BLOC1S3: variants seen among roughly 807,000 people sequenced by gnomAD.
BLOC1S3 encodes the protein biogenesis of lysosome-related organelles complex 1 subunit 3.
BLOC1S3 carries 7 observed loss-of-function variants against 9.1 expected under a neutral mutation model. The ratio of observed to expected loss-of-function variants is 0.77; its 90% CI spans 0.44 to 1.45. The LOEUF (loss-of-function observed/expected upper bound fraction) is 1.45. Ranked by LOEUF, BLOC1S3 falls within the 40% of genes most tolerant of loss-of-function variation. The pLI, the probability that BLOC1S3 is intolerant of heterozygous loss-of-function variation, is 0.01. For synonymous variants in BLOC1S3, 145 were observed against 158.4 expected (o/e 0.92, Z 0.64); for missense variants, 307 against 315.2 (o/e 0.97, Z 0.20).
At chr19:45,214,732 T>C (rs566053435) in intron 3 of BLOC1S3, among the ~76,000 whole-genome samples, 9 of 151,950 alleles carry the variant, frequency 5.9e-5, no homozygotes, top group Admixed American at 1.3e-4. Context: ...CCCAAAGTGC[T>C]GGGATTACAA....
chr19:45,180,225 G>A lies in BLOC1S3; in HGVS notation c.*320G>A, dbSNP rs568334676. On this transcript the variant is annotated 3_prime_UTR_variant, in exon 2 of 2. Coordinates refer to ENST00000433642, the MANE Select transcript of BLOC1S3 (RefSeq NM_212550.5). ...GCTCCTTAATCTGTTTCCACCCTGG[G>A]GGCTCACCAATTTTTTTTTTTTTTT... 1.4e-4 allele frequency: 39 copies of A among 272,076 alleles called. No individual in the cohort carries two copies. The East Asian group carries it at 2.2e-3, about 16-fold the overall frequency. The allele number at this position is 272,076 out of a possible 1,614,324, so 16.9% of individuals were successfully genotyped here.
At chr19:45,206,454 T>TTTTTTTTTTTTTTTTTTTTTTTTTTG (rs1969727261) in intron 3 of BLOC1S3, among the ~76,000 whole-genome samples, 1 of 114,450 alleles carries the variant, frequency 8.7e-6, no homozygotes, top group African/African-American at 4.0e-5. Flanking sequence ...AATCAAGTTT[T>TTTTTTTTTTTTTTTTTTTTTTTTTTG]TTTTTTTTTT....
intron 2 of BLOC1S3, among the ~76,000 whole-genome samples, chr19:45,188,062 G>A (rs569186092): frequency 6.6e-5 from 10 of 151,964 alleles, no homozygotes; most frequent in South Asian, 2.1e-4. Flanking sequence ...TCACTCTGTC[G>A]CCCAGGCTGG....
intron 2 of BLOC1S3, among the ~76,000 whole-genome samples, chr19:45,193,245 G>A (rs1040059835): frequency 2.0e-5 from 3 of 151,096 alleles, no homozygotes; most frequent in African/African-American, 7.3e-5. Context: ...CCTGATTTTG[G>A]TTCTTATGAA....
rs536454128 is a variant in BLOC1S3, at chr19:45,203,330, A to G, written n.282+823A>G. Among the ~76,000 whole-genome samples, 169 of 152,142 alleles carry G rather than the reference A, an allele frequency of 1.1e-3. 1 individual carries two copies. Among genetic ancestry groups the G allele is most frequent in the African/African-American group, 3.2e-3 (134 of 41,530 alleles). ...TTGCTGTTGTCCGGGCTGGAGTGCA[A>G]TGACGTGCTCTCGGCTCACTGCAAT... On this transcript the variant is annotated intron_variant and non_coding_transcript_variant, in intron 3 of 3. Transcript: ENST00000591569.
At position 45,215,846 on chromosome 19, in the gene BLOC1S3, C is replaced by T. The variant is rs147905071; in HGVS notation, n.283-830C>T. ...CCCCCTGCCCTGGGCTTCCTGTGAC[C>T]GCCTGTTTGTTTGTGAGCCCTGGTG... On this transcript the variant is annotated intron_variant and non_coding_transcript_variant, in intron 3 of 3. Coordinates refer to the BLOC1S3 transcript ENST00000591569. 7.2e-5 allele frequency among the ~76,000 whole-genome samples: 11 copies of T among 152,292 alleles called. 1 individual carries two copies. Among genetic ancestry groups the T allele is most frequent in the Admixed American group, 3.3e-4 (5 of 15,284 alleles).
At chr19:45,182,471 C>A (rs564840255), downstream of BLOC1S3, among the ~76,000 whole-genome samples, 11 of 149,586 alleles carry the variant, frequency 7.4e-5, no homozygotes, top group African/African-American at 2.2e-4. Context: ...AGTTCTAGAC[C>A]AGCCTGGCCA....
chr19:45,179,397 CGGA>C lies in BLOC1S3; in HGVS notation c.112_114del (p.Glu38del), dbSNP rs749897521. On this transcript the variant is annotated inframe_deletion, in exon 2 of 2. Transcript: ENST00000433642. The surrounding 1 kb of genome is among the most constrained non-coding windows in gnomAD (Gnocchi z 4.6). ...GATTCCGAGCGCTCTGCGTCCTCGTCGGAGGAGGAGGAGCTGTACCTGGGTCCT... is the reference window on the plus strand; with the variant it reads ...GATTCCGAGCGCTCTGCGTCCTCGTCGGAGGAGGAGCTGTACCTGGGTCCT... The C allele has an allele frequency of 7.6e-6, 12 of 1,575,034 alleles. No homozygotes were observed. Among genetic ancestry groups the C allele is most frequent in the East Asian group, 2.3e-5 (1 of 42,976 alleles).
At chr19:45,200,054 C>T (rs1191168718) in intron 2 of BLOC1S3, among the ~76,000 whole-genome samples, 1 of 152,208 alleles carries the variant, frequency 6.6e-6, no homozygotes, top group Non-Finnish European at 1.5e-5. Context: ...GTATGAGCCA[C>T]TGTGCCCGGC....
intron 2 of BLOC1S3, among the ~76,000 whole-genome samples, chr19:45,193,159 A>AAAAG (rs1568473497): frequency 2.0e-5 from 3 of 146,574 alleles, no homozygotes; most frequent in South Asian, 4.3e-4. Context: ...AAAAAAAAAA[A>AAAAG]AGAGACTATT....
chr19:45,188,429 C>T (rs1280878021), intron 2 of BLOC1S3, among the ~76,000 whole-genome samples: 1 of 152,112 alleles, frequency 6.6e-6, no homozygotes, highest in Non-Finnish European at 1.5e-5. Flanking sequence ...CCATCTCAGC[C>T]TCCCAAAGTG....
At chr19:45,210,157 CAGAG>C (rs1969757323) in intron 3 of BLOC1S3, among the ~76,000 whole-genome samples, 1 of 152,028 alleles carries the variant, frequency 6.6e-6, no homozygotes, top group African/African-American at 2.4e-5. Context: ...TTAATAGAGA[CAGAG>C]AGATTAGTGT....
At position 45,179,687 on chromosome 19, in the gene BLOC1S3, G is replaced by A. The variant is rs1457535516; in HGVS notation, c.391G>A (p.Val131Ile). The change falls in exon 2 of 2, where the codon GTC (valine) becomes ATC (isoleucine). Residue 131 changes from valine (V) to isoleucine (I), a missense_variant. By Grantham distance (29) the Val-to-Ile change is conservative. Transcript: ENST00000433642. This position sits in a 1 kb window ranked among gnomAD's most constrained non-coding sequence, Gnocchi z 4.6. Reference protein sequence around the residue: ...DHDVAAAVSGVYRRAGRDVAA... With the variant: ...DHDVAAAVSGIYRRAGRDVAA... ...CGACGTGGCGGCCGCCGTGAGCGGTGTCTACCGCCGTGCAGGCCGCGACGT... is the reference window on the plus strand; with the variant it reads ...CGACGTGGCGGCCGCCGTGAGCGGTATCTACCGCCGTGCAGGCCGCGACGT... The A allele has an allele frequency of 1.4e-6, 2 of 1,465,678 alleles. No individual in the cohort carries two copies. The allele number at this position is 1,465,678 out of a possible 1,614,324, so 90.8% of individuals were successfully genotyped here.
At chr19:45,192,390 A>C (rs1275640754) in intron 2 of BLOC1S3, among the ~76,000 whole-genome samples, 1 of 152,082 alleles carries the variant, frequency 6.6e-6, no homozygotes, top group African/African-American at 2.4e-5. Flanking sequence ...AGGGACCCCC[A>C]AGAGCCAACT....
chr19:45,213,769 A>G (rs183965711), intron 3 of BLOC1S3, among the ~76,000 whole-genome samples: 1 of 151,378 alleles, frequency 6.6e-6, no homozygotes, highest in African/African-American at 2.4e-5. Flanking sequence ...ACATGGCGAA[A>G]CCCTCTCTCT....
intron 2 of BLOC1S3, among the ~76,000 whole-genome samples, chr19:45,196,110 A>G (rs1265222898): frequency 6.6e-6 from 1 of 152,254 alleles, no homozygotes; most frequent in East Asian, 1.9e-4. Flanking sequence ...GTATCTTGGA[A>G]AGAAACACAT....
chr19:45,195,191 G>A (rs377726005), intron 2 of BLOC1S3, among the ~76,000 whole-genome samples: 69 of 152,034 alleles, frequency 4.5e-4, no homozygotes, highest in African/African-American at 1.5e-3. Context: ...TTACAGGTGT[G>A]AGCCACCGCG....
downstream of BLOC1S3, among the ~76,000 whole-genome samples, chr19:45,184,903 C>CA (rs71338752): frequency 0.015 from 708 of 48,296 alleles, 32 homozygotes; most frequent in East Asian, 0.026. Flanking sequence ...CTGTCTCAAA[C>CA]AAAAAAAAAA....
At chr19:45,211,412 C>T (rs1969769410) in intron 3 of BLOC1S3, among the ~76,000 whole-genome samples, 1 of 149,144 alleles carries the variant, frequency 6.7e-6, no homozygotes, top group Non-Finnish European at 1.5e-5. Flanking sequence ...GAGCCTGAGG[C>T]AGGAGAATAA....
Sources: gnomAD v4.1 joint callset for allele counts (sites outside exome capture counted in the v4.1 genomes callset) on GRCh38, gnomAD v4.1.1 for gene constraint, Gnocchi (gnomAD v3.1) non-coding constraint, MANE v1.5 for transcripts, NCBI Gene and HGNC (gene_info 2026-07-23, HGNC 2026-07-21) for gene names.